The following TUSC3 variants were observed in gnomAD, a reference collection of about 807,000 sequenced individuals.
TUSC3 encodes the protein dolichyl-diphosphooligosaccharide--protein glycosyltransferase subunit TUSC3.
Under a neutral mutation model 44.8 loss-of-function variants are expected in TUSC3, and 45 were observed. That is an observed-to-expected ratio of 1.00 (90% CI 0.79 to 1.29). The LOEUF (loss-of-function observed/expected upper bound fraction) is 1.29. Ranked by LOEUF, TUSC3 falls within the 50% of genes most tolerant of loss-of-function variation. The pLI, the probability that TUSC3 is intolerant of heterozygous loss-of-function variation, is 0.00. For missense variants in TUSC3, 519 were observed against 437.9 expected, an observed-to-expected ratio of 1.19 and a Z score of -1.65; for synonymous variants, 212 against 152.9, an observed-to-expected ratio of 1.39 and a Z score of -2.85.
intron 1 of TUSC3, among the ~76,000 whole-genome samples, chr8:15,422,056 C>G (rs909980817): frequency 6.6e-6 from 1 of 152,120 alleles, no homozygotes; most frequent in Non-Finnish European, 1.5e-5. Context: ...TTAACTGTCT[C>G]TAGATTCTTT....
intron 6 of TUSC3, among the ~76,000 whole-genome samples, chr8:15,687,791 C>A (rs900739740): frequency 6.6e-6 from 1 of 152,166 alleles, no homozygotes; most frequent in African/African-American, 2.4e-5. Flanking sequence ...ATAAATCTTT[C>A]TTTGCAAATA....
intron 9 of TUSC3, among the ~76,000 whole-genome samples, chr8:15,756,412 C>T (rs1329059675): frequency 6.6e-6 from 1 of 152,156 alleles, no homozygotes; most frequent in Admixed American, 6.6e-5. Flanking sequence ...ATAAAAAGTA[C>T]TCACTTTCAC....
intron 2 of TUSC3, among the ~76,000 whole-genome samples, chr8:15,508,430 T>C (rs1246553660): frequency 6.7e-6 from 1 of 149,830 alleles, no homozygotes; most frequent in East Asian, 2.0e-4. Context: ...CTAGGTAACT[T>C]TGAGGTAGTT....
the TUSC3 span, among the ~76,000 whole-genome samples, chr8:15,816,860 G>C: frequency 6.6e-6 from 1 of 152,274 alleles, no homozygotes; most frequent in African/African-American, 2.4e-5. Flanking sequence ...AGCAGCATTG[G>C]AGTTCATAGC....
intron 6 of TUSC3, among the ~76,000 whole-genome samples, chr8:15,726,792 G>T (rs575473168): frequency 3.9e-5 from 6 of 152,216 alleles, no homozygotes; most frequent in Middle Eastern, 3.4e-3. Flanking sequence ...GGTGAAAAGC[G>T]TGAAACTTTG....
At chr8:15,695,594 C>T (rs1400761577) in intron 6 of TUSC3, among the ~76,000 whole-genome samples, 1 of 152,146 alleles carries the variant, frequency 6.6e-6, no homozygotes, top group African/African-American at 2.4e-5. Flanking sequence ...AACTTGGTAA[C>T]AGGCAGAGTC....
At chr8:15,619,905 G>C (rs1182980225) in intron 1 of TUSC3, among the ~76,000 whole-genome samples, 1 of 152,184 alleles carries the variant, frequency 6.6e-6, no homozygotes, top group Non-Finnish European at 1.5e-5. Context: ...AAGAAAGAGA[G>C]AGCATTCAGA....
chr8:15,488,519 T>A (rs1316746835), intron 2 of TUSC3, among the ~76,000 whole-genome samples: 1 of 152,022 alleles, frequency 6.6e-6, no homozygotes, highest in Non-Finnish European at 1.5e-5. Context: ...AACTGTTTTT[T>A]TGTCATCTTG....
At chr8:15,839,927 C>A in the TUSC3 span, among the ~76,000 whole-genome samples, 9 of 152,184 alleles carry the variant, frequency 5.9e-5, no homozygotes, top group Admixed American at 5.9e-4. Context: ...CACATGCACA[C>A]ATACGTTTAC....
At chr8:15,458,326 C>T (rs953590433) in intron 1 of TUSC3, among the ~76,000 whole-genome samples, 1 of 152,096 alleles carries the variant, frequency 6.6e-6, no homozygotes, top group African/African-American at 2.4e-5. Flanking sequence ...GCACCCTCGA[C>T]CTCTCAGGCT....
intron 2 of TUSC3, among the ~76,000 whole-genome samples, chr8:15,506,526 G>A (rs1801052481): frequency 6.6e-6 from 1 of 152,190 alleles, no homozygotes; most frequent in South Asian, 2.1e-4. Flanking sequence ...TAAAGAAAAG[G>A]AGGTTTAATG....
intron 1 of TUSC3, among the ~76,000 whole-genome samples, chr8:15,556,963 A>G (rs1273382495): frequency 6.7e-6 from 1 of 149,224 alleles, no homozygotes; most frequent in Non-Finnish European, 1.5e-5. Flanking sequence ...TTGCCTGTAC[A>G]CTCTGATGGT....
chr8:15,836,143 T>TG, the TUSC3 span, among the ~76,000 whole-genome samples: 4 of 135,630 alleles, frequency 2.9e-5, no homozygotes, highest in East Asian at 1.0e-3. Context: ...ATTATAAAAT[T>TG]ATTTTTTTTT....
intron 2 of TUSC3, among the ~76,000 whole-genome samples, chr8:15,526,690 T>G (rs959225861): frequency 2.0e-5 from 3 of 152,208 alleles, no homozygotes; most frequent in African/African-American, 7.2e-5. Context: ...GTGAGTCCAT[T>G]GAACCTCTTT....
chr8:15,686,367 C>A (rs184321200), intron 6 of TUSC3, among the ~76,000 whole-genome samples: 1 of 151,624 alleles, frequency 6.6e-6, no homozygotes, highest in East Asian at 2.0e-4. Context: ...AGATATAGTC[C>A]AAAAATTTTC....
chr8:15,780,321 G>A, the TUSC3 span, among the ~76,000 whole-genome samples: 1 of 152,140 alleles, frequency 6.6e-6, no homozygotes, highest in Non-Finnish European at 1.5e-5. Context: ...ACATACAGCT[G>A]TTCCCTGAGG....
At chr8:15,551,138 A>G (rs74528411) in intron 1 of TUSC3, among the ~76,000 whole-genome samples, 3,692 of 151,872 alleles carry the variant, frequency 0.024, 184 homozygotes, top group African/African-American at 0.083. Context: ...TGAACATGGT[A>G]AATGCAGAAA....
At chr8:15,637,415 G>C (rs1285888072) in intron 2 of TUSC3, among the ~76,000 whole-genome samples, 1 of 151,986 alleles carries the variant, frequency 6.6e-6, no homozygotes, top group African/African-American at 2.4e-5. Flanking sequence ...TACTAACTGT[G>C]ATATATCGTC....
chr8:15,605,861 C>T (rs1434081831), intron 1 of TUSC3, among the ~76,000 whole-genome samples: 2 of 151,976 alleles, frequency 1.3e-5, no homozygotes, highest in Non-Finnish European at 2.9e-5. Context: ...AGGCTACTGT[C>T]ATAACTTCGT....
Sources: allele counts gnomAD v4.1 joint callset (sites outside exome capture counted in the v4.1 genomes callset), GRCh38; gene constraint gnomAD v4.1.1; transcripts MANE v1.5; gene names NCBI Gene and HGNC (gene_info 2026-07-23, HGNC 2026-07-21).